Variants in UST observed in about 807,000 individuals in gnomAD.
UST encodes uronyl 2-sulfotransferase, also known as chondroitin sulfate 2-O-sulfotransferase.
In UST, 21 loss-of-function variants were observed where a neutral mutation model predicts 45.6. The observed-to-expected ratio is 0.46, with a 90% CI of 0.33 to 0.66. The LOEUF is 0.66. Ranked by LOEUF, UST falls within the 30% of genes least tolerant of loss-of-function variation. The pLI is 0.02. For synonymous variants in UST, 215 were observed against 200.6 expected (o/e 1.07, Z -0.61); for missense variants, 463 against 512.4 (o/e 0.90, Z 0.93).
chr6:149,019,822 T>G (rs1775953559), intron 6 of UST, among the ~76,000 whole-genome samples: 1 of 152,174 alleles, frequency 6.6e-6, no homozygotes, highest in Admixed American at 6.5e-5. Flanking sequence ...ACCCCCAGGG[T>G]GTGATCTGCC....
At chr6:148,817,568 TC>T (rs1777379593) in intron 1 of UST, among the ~76,000 whole-genome samples, 1 of 152,162 alleles carries the variant, frequency 6.6e-6, no homozygotes, top group African/African-American at 2.4e-5. Context: ...TGGGGGAGCT[TC>T]CAGGCTATAG....
chr6:148,970,101 G>A (rs1780884831), intron 5 of UST, among the ~76,000 whole-genome samples: 1 of 152,224 alleles, frequency 6.6e-6, no homozygotes, highest in Non-Finnish European at 1.5e-5. Flanking sequence ...TGTCCTGGGT[G>A]TATCTAAAGC....
At chr6:148,761,634 C>T (rs532601292) in intron 1 of UST, among the ~76,000 whole-genome samples, 45 of 152,320 alleles carry the variant, frequency 3.0e-4, no homozygotes, top group Non-Finnish European at 6.2e-4. Context: ...GGAGAATGCC[C>T]GGCAGGGCTG....
chr6:148,877,773 T>C (rs1778716484), intron 1 of UST, among the ~76,000 whole-genome samples: 1 of 82,806 alleles, frequency 1.2e-5, no homozygotes, highest in Non-Finnish European at 2.3e-5. Flanking sequence ...GGGTCATGAA[T>C]GAGTGCGGGG....
intron 1 of UST, among the ~76,000 whole-genome samples, chr6:148,798,751 T>C (rs1160026215): frequency 1.3e-5 from 2 of 152,148 alleles, no homozygotes; most frequent in Admixed American, 6.5e-5. Context: ...CCAGAGTCAG[T>C]GCTCATAAAC....
rs958789295 is a variant in UST, at chr6:149,026,200, A to G, written c.937+4719A>G. On this transcript the variant is annotated intron_variant, in intron 7 of 7. Coordinates refer to ENST00000367463, the MANE Select transcript of UST (RefSeq NM_005715.3). ...ATGGCATGTGCCTGTGGTCCCAGCTACTGGGCAGGCTGAAGTGGGAGGATC... is the reference window on the plus strand; with the variant it reads ...ATGGCATGTGCCTGTGGTCCCAGCTGCTGGGCAGGCTGAAGTGGGAGGATC... Among the ~76,000 whole-genome samples the G allele has an allele frequency of 7.9e-5, 12 of 151,036 alleles. No individual in the cohort carries two copies. The East Asian group carries it at 2.3e-3, about 29-fold the overall frequency.
At chr6:148,862,883 G>A (rs1163733285) in intron 1 of UST, among the ~76,000 whole-genome samples, 1 of 152,004 alleles carries the variant, frequency 6.6e-6, no homozygotes, top group Non-Finnish European at 1.5e-5. Flanking sequence ...AGTCTGATGG[G>A]CTTCCCTTTG....
Position 148,786,691 on chromosome 6 carries a change from A to G in UST, c.247+39014A>G, listed in dbSNP as rs574499371. ...CTTTGCTATTGTGAATAGTGCTGCA[A>G]TGAACATATGCGTGCATGTCTGTTT... On this transcript the variant is annotated intron_variant, in intron 1 of 7. Coordinates refer to ENST00000367463, the MANE Select transcript of UST (RefSeq NM_005715.3). 1.8e-4 allele frequency among the ~76,000 whole-genome samples: 28 copies of G among 152,324 alleles called. No individual in the cohort carries two copies. The South Asian group carries it at 5.0e-3, about 27-fold the overall frequency.
At chr6:149,020,532 G>C (rs1775962636) in intron 6 of UST, among the ~76,000 whole-genome samples, 1 of 152,150 alleles carries the variant, frequency 6.6e-6, no homozygotes, top group Non-Finnish European at 1.5e-5. Flanking sequence ...ACCACACCTT[G>C]ATACACACAC....
intron 1 of UST, among the ~76,000 whole-genome samples, chr6:148,792,742 C>T (rs977504132): frequency 3.3e-5 from 5 of 152,156 alleles, no homozygotes; most frequent in Non-Finnish European, 7.3e-5. Context: ...TTTAACACAA[C>T]ATTGCTTTGA....
chr6:148,966,111 C>T (rs944066926), intron 5 of UST, among the ~76,000 whole-genome samples: 66 of 151,826 alleles, frequency 4.3e-4, no homozygotes, highest in Non-Finnish European at 6.5e-4. Context: ...GTGATCCCAG[C>T]GAATTGGGAG....
intron 2 of UST, among the ~76,000 whole-genome samples, chr6:148,892,466 G>T (rs1353599293): frequency 6.6e-6 from 1 of 152,130 alleles, no homozygotes; most frequent in African/African-American, 2.4e-5. Context: ...AAGATGGAGG[G>T]TGATGCAATA....
In UST at chr6:148,949,152, G is replaced by A. The variant is rs1449808670; in HGVS notation, c.448-4720G>A. ...CTAAAAATACAAAAATTAGCTGGGCGTGGTGGCAGGCGCCTATAATCCCAG... is the reference window on the plus strand; with the variant it reads ...CTAAAAATACAAAAATTAGCTGGGCATGGTGGCAGGCGCCTATAATCCCAG... On this transcript the variant is annotated intron_variant, in intron 3 of 7. Transcript: ENST00000367463. Among the ~76,000 whole-genome samples, 9 of 152,028 alleles carry A rather than the reference G, an allele frequency of 5.9e-5. No individual in the cohort carries two copies. In the South Asian group the frequency reaches 1.0e-3, roughly 18 times the overall value.
Position 149,022,624 on chromosome 6 carries a change from G to A in UST, c.937+1143G>A, listed in dbSNP as rs563432465. ...TCAAAAAAAAGAAAGAAAGAAAGAA[G>A]GAAGCAGCAGATGAAAGCTCCCCAA... is the stretch of plus-strand genomic sequence containing the variant. On this transcript the variant is annotated intron_variant, in intron 7 of 7. Transcript: ENST00000367463. 4.0e-5 allele frequency among the ~76,000 whole-genome samples: 6 copies of A among 151,800 alleles called. No homozygotes were observed. The East Asian group carries it at 7.7e-4, about 19-fold the overall frequency.
chr6:148,995,629 T>A (rs1781439483), intron 5 of UST, among the ~76,000 whole-genome samples: 1 of 152,250 alleles, frequency 6.6e-6, no homozygotes, highest in South Asian at 2.1e-4. Context: ...GTGGGTCACA[T>A]GTGACTTGCC....
At chr6:148,848,595 T>C (rs1331661674) in intron 1 of UST, among the ~76,000 whole-genome samples, 2 of 148,866 alleles carry the variant, frequency 1.3e-5, no homozygotes, top group Non-Finnish European at 3.0e-5. Flanking sequence ...TGCTTGAACC[T>C]GGGAGGTGGA....
intron 1 of UST, among the ~76,000 whole-genome samples, chr6:148,820,003 C>T (rs1777426389): frequency 6.6e-6 from 1 of 152,210 alleles, no homozygotes; most frequent in African/African-American, 2.4e-5. Context: ...GCCTCTCTCT[C>T]CGGGTGCCAG....
intron 1 of UST, among the ~76,000 whole-genome samples, chr6:148,797,177 TGAG>T (rs1400644791): frequency 6.6e-6 from 1 of 152,122 alleles, no homozygotes; most frequent in Admixed American, 6.5e-5. Context: ...CTCAGGAGGC[TGAG>T]GTGGGAGGAG....
chr6:149,021,409 G>A lies in UST; in HGVS notation c.865G>A (p.Asp289Asn). The change falls in exon 7 of 8, where the codon GAT becomes AAT. Residue 289 changes from aspartate to asparagine, a missense_variant. By Grantham distance (23) the Asp-to-Asn change is conservative. Around this residue, in one of 2 missense-constraint regions of UST, gnomAD observed 287 missense variants for 374.2 expected, o/e 0.77. Coordinates refer to ENST00000367463, the MANE Select transcript of UST (RefSeq NM_005715.3). ...LLVGILEELE[D>N]VLLLLERFLP... The stretch of plus-strand genomic sequence containing the variant: ...CGTGGGGATTCTTGAAGAGTTGGAA[G>A]ATGTGCTGCTGTTACTGGAAAGATT... 6.2e-7 allele frequency: 1 copy of A among 1,614,220 alleles called. No individual in the cohort carries two copies. The highest frequency in any genetic ancestry group is 8.5e-7 in the Non-Finnish European group (1 of 1,180,036).
Sources: gnomAD v4.1 joint callset for allele counts (sites outside exome capture counted in the v4.1 genomes callset) on GRCh38, gnomAD v4.1.1 for gene constraint, gnomAD v4.1.1 regional missense constraint, MANE v1.5 for transcripts, NCBI Gene and HGNC (gene_info 2026-07-23, HGNC 2026-07-21) for gene names.